NDST4: variants seen among roughly 807,000 people sequenced by gnomAD.
NDST4 encodes the protein N-deacetylase and N-sulfotransferase 4.
A neutral mutation model predicts 100.8 loss-of-function variants in NDST4; 63 were observed. The ratio of observed to expected loss-of-function variants is 0.62; its 90% CI spans 0.51 to 0.77. The LOEUF (loss-of-function observed/expected upper bound fraction) is 0.77. NDST4 is among the 30% of genes least tolerant of loss of function. NDST4 has a pLI of 0.00. For synonymous variants in NDST4, 377 were observed against 361.8 expected (o/e 1.04, Z -0.48); for missense variants, 943 against 1,018.4 (o/e 0.93, Z 1.01).
chr4:114,941,728 C>A (rs932718733), intron 4 of NDST4, among the ~76,000 whole-genome samples: 1 of 152,136 alleles, frequency 6.6e-6, no homozygotes, highest in Admixed American at 6.5e-5. Context: ...TGGCAGCTCC[C>A]CCAGGGAGCC....
chr4:114,871,874 T>C (rs1186255503), intron 6 of NDST4, among the ~76,000 whole-genome samples: 3 of 151,972 alleles, frequency 2.0e-5, no homozygotes, highest in Admixed American at 2.0e-4. Flanking sequence ...ACAACCCAAA[T>C]ATTATAATGA....
chr4:115,018,191 AATGAAAGCC>A (rs1727731467), intron 2 of NDST4, among the ~76,000 whole-genome samples: 1 of 151,968 alleles, frequency 6.6e-6, no homozygotes, highest in Non-Finnish European at 1.5e-5. Flanking sequence ...CAAAAGTACA[AATGAAAGCC>A]ATTGAGAACA....
intron 2 of NDST4, among the ~76,000 whole-genome samples, chr4:115,039,042 CAT>C (rs1728293215): frequency 6.6e-6 from 1 of 152,042 alleles, no homozygotes; most frequent in African/African-American, 2.4e-5. Context: ...TTCTTATAAA[CAT>C]AAACAGCAAT....
At chr4:114,907,904 G>A (rs925716529) in intron 6 of NDST4, among the ~76,000 whole-genome samples, 1 of 152,176 alleles carries the variant, frequency 6.6e-6, no homozygotes, top group African/African-American at 2.4e-5. Context: ...GTTGGTGTGA[G>A]ACTAACTAGA....
intron 11 of NDST4, among the ~76,000 whole-genome samples, chr4:114,835,213 G>C (rs1723283751): frequency 6.6e-6 from 1 of 152,092 alleles, no homozygotes. Flanking sequence ...TATGATGTTA[G>C]AGTGTTGATT....
At chr4:114,874,867 G>A (rs1272538644) in intron 6 of NDST4, among the ~76,000 whole-genome samples, 2 of 151,744 alleles carry the variant, frequency 1.3e-5, no homozygotes, top group African/African-American at 4.8e-5. Flanking sequence ...TATTTATTTT[G>A]ATTATTATTT....
At chr4:114,981,270 A>C (rs550881288) in intron 2 of NDST4, among the ~76,000 whole-genome samples, 2 of 146,588 alleles carry the variant, frequency 1.4e-5, no homozygotes, top group Admixed American at 6.7e-5. Flanking sequence ...AGGAAGGAAG[A>C]AAGCAGGAAA....
At chr4:114,865,199 G>A (rs1377491947) in intron 7 of NDST4, among the ~76,000 whole-genome samples, 1 of 151,910 alleles carries the variant, frequency 6.6e-6, no homozygotes, top group African/African-American at 2.4e-5. Context: ...CAAGTAGCCG[G>A]GACTGCAGGC....
At chr4:115,018,124 C>G (rs1727730219) in intron 2 of NDST4, among the ~76,000 whole-genome samples, 1 of 151,686 alleles carries the variant, frequency 6.6e-6, no homozygotes, top group Admixed American at 6.6e-5. Flanking sequence ...GCTACTGCAG[C>G]CAAAATATTT....
chr4:114,922,681 A>G (rs1409304202), intron 6 of NDST4, among the ~76,000 whole-genome samples: 1 of 152,180 alleles, frequency 6.6e-6, no homozygotes, highest in East Asian at 1.9e-4. Context: ...AGGTTTCAGG[A>G]GACCTGTGTA....
chr4:114,912,949 C>T (rs1725093266), intron 6 of NDST4, among the ~76,000 whole-genome samples: 1 of 151,798 alleles, frequency 6.6e-6, no homozygotes, highest in African/African-American at 2.4e-5. Context: ...ATGGTGGATG[C>T]AATATATCCA....
At chr4:114,849,698 T>C (rs2126187750) in intron 8 of NDST4, among the ~76,000 whole-genome samples, 2 of 152,268 alleles carry the variant, frequency 1.3e-5, no homozygotes, top group Middle Eastern at 3.4e-3. Context: ...GCAAAATTAA[T>C]AAATGCCCTA....
At chr4:114,830,494 A>T (rs544713955) in intron 12 of NDST4, among the ~76,000 whole-genome samples, 1 of 152,360 alleles carries the variant, frequency 6.6e-6, no homozygotes, top group East Asian at 1.9e-4. Flanking sequence ...GAAGGCAGAT[A>T]ATCTGTTAGA....
chr4:114,839,579 ATTTT>A, intron 10 of NDST4, 31 bp from the exon 11 acceptor site: 1 of 1,605,186 alleles, frequency 6.2e-7, no homozygotes. Flanking sequence ...GTAAAGTTAG[ATTTT>A]TTTTAATGCC....
intron 2 of NDST4, among the ~76,000 whole-genome samples, chr4:115,002,282 G>A (rs1303048131): frequency 6.6e-6 from 1 of 152,010 alleles, no homozygotes; most frequent in African/African-American, 2.4e-5. Context: ...ATGTTTGTTG[G>A]CCACATCAAT....
At chr4:114,874,010 A>C (rs1724205313) in intron 6 of NDST4, among the ~76,000 whole-genome samples, 1 of 152,126 alleles carries the variant, frequency 6.6e-6, no homozygotes, top group African/African-American at 2.4e-5. Flanking sequence ...GTGCATTCAC[A>C]TTGTTGTATA....
intron 2 of NDST4, among the ~76,000 whole-genome samples, chr4:115,053,019 G>A (rs966955110): frequency 1.5e-4 from 23 of 152,046 alleles, no homozygotes; most frequent in Admixed American, 1.4e-3. Flanking sequence ...CGAACAAAAG[G>A]TACATGTTTA....
At chr4:114,978,236 C>G (rs1296714827) in intron 2 of NDST4, among the ~76,000 whole-genome samples, 1 of 151,924 alleles carries the variant, frequency 6.6e-6, no homozygotes, top group Non-Finnish European at 1.5e-5. Flanking sequence ...TTGATTACTC[C>G]TATCCATCTG....
chr4:114,979,209 C>T (rs530226656), intron 2 of NDST4, among the ~76,000 whole-genome samples: 8 of 151,880 alleles, frequency 5.3e-5, no homozygotes, highest in Admixed American at 6.5e-5. Context: ...TTTATATCTC[C>T]GCCCAAATGT....
Sources: allele counts gnomAD v4.1 joint callset (sites outside exome capture counted in the v4.1 genomes callset), GRCh38; gene constraint gnomAD v4.1.1; transcripts MANE v1.5; gene names NCBI Gene and HGNC (gene_info 2026-07-23, HGNC 2026-07-21).